The following RBPJ variants were observed in gnomAD, a reference collection of about 807,000 sequenced individuals.
The protein encoded by RBPJ is recombination signal binding protein for immunoglobulin kappa J region, also known as recombining binding protein suppressor of hairless.
RBPJ carries 9 observed loss-of-function variants against 67.8 expected under a neutral mutation model. That is an observed-to-expected ratio of 0.13 (90% CI 0.08 to 0.23). The LOEUF is 0.23. RBPJ is among the 10% of genes least tolerant of loss of function. RBPJ has a pLI of 1.00. For synonymous variants in RBPJ, 198 were observed against 203.3 expected, an observed-to-expected ratio of 0.97 and a Z score of 0.22; for missense variants, 305 against 595.6, an observed-to-expected ratio of 0.51 and a Z score of 5.08.
the RBPJ span, among the ~76,000 whole-genome samples, chr4:26,144,702 G>C: frequency 7.9e-5 from 12 of 152,322 alleles, no homozygotes; most frequent in Admixed American, 3.9e-4. Flanking sequence ...CTGATGACTT[G>C]GGAAATTTGG....
At chr4:26,247,814 G>T (rs2109231585) in intron 1 of RBPJ, among the ~76,000 whole-genome samples, 1 of 152,184 alleles carries the variant, frequency 6.6e-6, no homozygotes, top group Non-Finnish European at 1.5e-5. Flanking sequence ...TTATTTTATA[G>T]AAACAGTAGA....
rs1734480304 is a variant in RBPJ at position 26,415,478 on chromosome 4, T to C, written c.159T>C (p.Phe53=). 2 of 1,577,142 alleles carry C rather than the reference T, an allele frequency of 1.3e-6. No homozygotes were observed. The highest frequency in any genetic ancestry group is 1.7e-6 in the Non-Finnish European group (2 of 1,168,988). Residue 53 remains phenylalanine, a synonymous_variant, in exon 4 of 11, where the codon TTT becomes TTC. Transcript: ENST00000355476. The part of the protein sequence containing the change: ...AQKSYGNEKR[F]FCPPPCVYLM... ...TTTTTCCCCTATTATTCTTCAGGTT[T>C]TTTTGCCCACCTCCTTGTGTATATC...
intron 4 of RBPJ, among the ~76,000 whole-genome samples, chr4:26,417,195 A>G (rs561370556): frequency 6.6e-6 from 1 of 152,308 alleles, no homozygotes; most frequent in African/African-American, 2.4e-5. Context: ...ACCTGTGTGT[A>G]TAACTGTTTA....
chr4:26,278,003 G>A (rs1474960443), intron 1 of RBPJ, among the ~76,000 whole-genome samples: 1 of 152,114 alleles, frequency 6.6e-6, no homozygotes, highest in African/African-American at 2.4e-5. Context: ...TGCCTTCTAA[G>A]CTAGCTCCTT....
chr4:26,288,209 A>G (rs1389097048), intron 1 of RBPJ, among the ~76,000 whole-genome samples: 1 of 152,256 alleles, frequency 6.6e-6, no homozygotes, highest in East Asian at 1.9e-4. Flanking sequence ...TCTCAGGGTC[A>G]GGAATCCAGG....
the RBPJ span, among the ~76,000 whole-genome samples, chr4:26,109,446 CTCTCTCTCTCTCTCTATATATATA>C: frequency 4.2e-3 from 116 of 27,376 alleles, 5 homozygotes; most frequent in Non-Finnish European, 7.0e-3. Flanking sequence ...CTCTCTCTCT[CTCTCTCTCTCTCTCTATATATATA>C]TATATATATA....
chr4:26,128,459 T>C, the RBPJ span, among the ~76,000 whole-genome samples: 9 of 152,176 alleles, frequency 5.9e-5, no homozygotes, highest in African/African-American at 1.7e-4. Context: ...TTAAATTATA[T>C]AGCCATCACA....
rs1374704160 is a variant in RBPJ, at chr4:26,166,642, C to A, written c.-167+3028C>A. Among the ~76,000 whole-genome samples the A allele has an allele frequency of 3.3e-5, 5 of 152,074 alleles. No homozygotes were observed. In the South Asian group the frequency reaches 8.3e-4, roughly 25 times the overall value. On this transcript the variant is annotated intron_variant, in intron 1 of 4. Coordinates refer to the RBPJ transcript ENST00000512351. ...AGCCCTATGTCAGATGAGTAGGTTGCGAAAATGTTCTCCCGTTTTGTAGGT... is the reference window on the plus strand; with the variant it reads ...AGCCCTATGTCAGATGAGTAGGTTGAGAAAATGTTCTCCCGTTTTGTAGGT...
At chr4:26,392,480 T>TA (rs1731607511) in intron 2 of RBPJ, among the ~76,000 whole-genome samples, 2 of 152,118 alleles carry the variant, frequency 1.3e-5, no homozygotes, top group Non-Finnish European at 2.9e-5. Context: ...TATTAAGCAG[T>TA]AAAAAAGGAA....
At chr4:26,170,455 C>A (rs1716528696) in intron 1 of RBPJ, among the ~76,000 whole-genome samples, 1 of 151,274 alleles carries the variant, frequency 6.6e-6, no homozygotes, top group Non-Finnish European at 1.5e-5. Context: ...GTGGAAGGAT[C>A]ACTTGAGCCA....
intron 1 of RBPJ, among the ~76,000 whole-genome samples, chr4:26,348,924 C>T (rs1000097866): frequency 1.3e-5 from 2 of 152,102 alleles, no homozygotes; most frequent in African/African-American, 4.8e-5. Flanking sequence ...TCAGGCTGGT[C>T]TTAAACTCCT....
chr4:26,242,341 G>A (rs1372386047), intron 1 of RBPJ, among the ~76,000 whole-genome samples: 3 of 151,854 alleles, frequency 2.0e-5, no homozygotes, highest in Admixed American at 6.6e-5. Flanking sequence ...CCAGCTACTC[G>A]GGAGGCTGAG....
intron 1 of RBPJ, among the ~76,000 whole-genome samples, chr4:26,342,227 G>C (rs925499546): frequency 7.1e-6 from 1 of 140,194 alleles, no homozygotes; most frequent in African/African-American, 2.6e-5. Context: ...GAAAAGATGA[G>C]TATATACATT....
chr4:26,254,843 A>ATTTT lies in RBPJ; in HGVS notation c.-167+91263_-167+91266dup, dbSNP rs71643604. Among the ~76,000 whole-genome samples, 39 of 16,548 alleles carry ATTTT rather than the reference A, an allele frequency of 2.4e-3. 15 individuals are homozygous for ATTTT. Among genetic ancestry groups the ATTTT allele is most frequent in the Non-Finnish European group, 3.9e-3 (36 of 9,214 alleles). The allele number at this position is 16,548 out of a possible 152,430, so 10.9% of individuals were successfully genotyped here. On this transcript the variant is annotated intron_variant, in intron 1 of 4. Coordinates refer to the RBPJ transcript ENST00000512351. ...CAGGTGCATGCCACCATGCCCAGCTATTTTTTTTTTTTTTTTTTTTTTTTT... is the reference window on the plus strand; with the variant it reads ...CAGGTGCATGCCACCATGCCCAGCTATTTTTTTTTTTTTTTTTTTTTTTTTTTTT...
the RBPJ span, among the ~76,000 whole-genome samples, chr4:26,136,329 A>G: frequency 6.6e-6 from 1 of 152,090 alleles, no homozygotes. Flanking sequence ...TCTCCCATCT[A>G]TCCCCAGCTC....
At chr4:26,210,735 A>ACTTCTTTT (rs1560212134) in intron 1 of RBPJ, among the ~76,000 whole-genome samples, 24 of 49,000 alleles carry the variant, frequency 4.9e-4, no homozygotes, top group East Asian at 2.1e-3. Context: ...TTCCTTCTTT[A>ACTTCTTTT]CTTCTTTCCT....
At chr4:26,301,429 A>G (rs1301635736) in intron 1 of RBPJ, among the ~76,000 whole-genome samples, 3 of 151,806 alleles carry the variant, frequency 2.0e-5, no homozygotes, top group Non-Finnish European at 4.4e-5. Context: ...CATCTCTACT[A>G]AAAATACAAA....
At chr4:26,195,784 C>T (rs775953795) in intron 1 of RBPJ, among the ~76,000 whole-genome samples, 2 of 151,992 alleles carry the variant, frequency 1.3e-5, no homozygotes, top group Non-Finnish European at 2.9e-5. Flanking sequence ...TTAGTAGAGA[C>T]GAGGTTTCAC....
intron 3 of RBPJ, among the ~76,000 whole-genome samples, chr4:26,413,734 C>T (rs1734271448): frequency 6.6e-6 from 1 of 152,150 alleles, no homozygotes; most frequent in Admixed American, 6.5e-5. Flanking sequence ...GTAGATACTA[C>T]CACCTTCAGG....
Sources: gnomAD v4.1 joint callset for allele counts (sites outside exome capture counted in the v4.1 genomes callset) on GRCh38, gnomAD v4.1.1 for gene constraint, MANE v1.5 for transcripts, NCBI Gene and HGNC (gene_info 2026-07-23, HGNC 2026-07-21) for gene names.